The following HEXA variants were observed in gnomAD, a reference collection of about 807,000 sequenced individuals.
HEXA encodes beta-hexosaminidase subunit alpha.
In HEXA, 54 loss-of-function variants were observed where a neutral mutation model predicts 73.3. The ratio of observed to expected loss-of-function variants is 0.74; its 90% CI spans 0.59 to 0.92. The LOEUF (loss-of-function observed/expected upper bound fraction) is 0.92, where lower values mean the gene tolerates loss of function less well. HEXA is among the 40% of genes least tolerant of loss of function. The probability of loss-of-function intolerance (pLI) is 0.00; values close to 1 mark genes in which losing one functional copy is unlikely to be tolerated. For missense variants in HEXA, 649 were observed against 653.0 expected (o/e 0.99, Z 0.07); for synonymous variants, 230 against 246.9 (o/e 0.93, Z 0.64).
chr15:72,352,620 C>T (rs1016093575), intron 5 of HEXA, among the ~76,000 whole-genome samples: 1 of 151,302 alleles, frequency 6.6e-6, no homozygotes, highest in Non-Finnish European at 1.5e-5. Context: ...CTTGGAGCAG[C>T]TCATCTTCTA....
intron 2 of HEXA, 176 bp from the exon 3 acceptor site, chr15:72,355,800 G>C (rs1268264876): frequency 3.1e-6 from 2 of 636,416 alleles, no homozygotes; most frequent in East Asian, 3.0e-5. Context: ...GGATGGCCTG[G>C]TCTGGGGCCA....
chr15:72,361,168 A>T (rs2088848496), intron 1 of HEXA, among the ~76,000 whole-genome samples: 1 of 152,156 alleles, frequency 6.6e-6, no homozygotes, highest in Admixed American at 6.6e-5. Flanking sequence ...AGTGGTCAAA[A>T]CAGACAAAAA....
Position 72,351,215 on chromosome 15 carries a change from T to G in HEXA, c.590A>C (p.Lys197Thr), listed in dbSNP as rs121907973. 3.1e-6 allele frequency: 5 copies of G among 1,608,998 alleles called. No individual in the cohort carries two copies. Among genetic ancestry groups the G allele is most frequent in the Non-Finnish European group, 4.3e-6 (5 of 1,175,328 alleles). ...LDTLDVMAYN[K>T]LNVFHWHLVD... ...CAGATGCCAGTGGAACACGTTCAAT[T>G]TATTGTACGCCATGACATCCTGTAG... The change falls in exon 6 of 14, where the codon AAA becomes ACA. Residue 197 changes from lysine (K) to threonine (T), a missense_variant. By Grantham distance (78) the Lys-to-Thr change is moderately conservative. Coordinates refer to ENST00000268097, the MANE Select transcript of HEXA (RefSeq NM_000520.6).
At position 72,368,649 on chromosome 15, in the gene HEXA, C is replaced by T. The variant is rs571283961; in HGVS notation, c.253+7071G>A. Among the ~76,000 whole-genome samples the T allele has an allele frequency of 3.3e-3, 496 of 152,328 alleles. 1 individual carries two copies. Among genetic ancestry groups the T allele is most frequent in the Middle Eastern group, 0.01 (3 of 294 alleles). ...GGGTCTCCTATGGCAAAGCCACACT[C>T]TAGGAGCAGCTTCCCTGAAGGGTTT... On this transcript the variant is annotated intron_variant, in intron 1 of 13. Transcript: ENST00000268097.
rs1340407384 is a variant in HEXA, at chr15:72,364,726, T to C, written c.254-8109A>G. Among the ~76,000 whole-genome samples the C allele has an allele frequency of 3.3e-5, 5 of 151,994 alleles. No individual in the cohort carries two copies. In the East Asian group the frequency reaches 7.7e-4, roughly 23 times the overall value. The stretch of plus-strand genomic sequence containing the variant: ...TCCACATCTTTCCAACACTAGAACA[T>C]CTCAATTCTTTTTCACCATTGCCAG... On this transcript the variant is annotated intron_variant, in intron 1 of 13. Coordinates refer to ENST00000268097, the MANE Select transcript of HEXA (RefSeq NM_000520.6).
chr15:72,369,312 C>A (rs972534857), intron 1 of HEXA, among the ~76,000 whole-genome samples: 8 of 152,300 alleles, frequency 5.3e-5, no homozygotes, highest in African/African-American at 1.4e-4. Context: ...CAGCTCACAC[C>A]ACAGAAAACT....
intron 1 of HEXA, among the ~76,000 whole-genome samples, chr15:72,372,074 T>C (rs7175232): frequency 0.97 from 147,513 of 152,268 alleles, 71,642 homozygotes; most frequent in East Asian, 1. Context: ...CATGGCCAGG[T>C]GCAGTGGCTC....
chr15:72,362,630 C>T (rs1048657159), intron 1 of HEXA, among the ~76,000 whole-genome samples: 3 of 152,136 alleles, frequency 2.0e-5, no homozygotes, highest in Non-Finnish European at 2.9e-5. Context: ...GCTAAGAAGA[C>T]GCCCAGACTT....
chr15:72,366,718 T>C (rs758896825), intron 1 of HEXA, among the ~76,000 whole-genome samples: 2 of 152,128 alleles, frequency 1.3e-5, no homozygotes, highest in Admixed American at 6.6e-5. Flanking sequence ...TAACCCATGT[T>C]CTGGCTTAGC....
chr15:72,352,928 T>G (rs2088719611), intron 5 of HEXA, 140 bp downstream of exon 5: 2 of 673,978 alleles, frequency 3.0e-6, no homozygotes, highest in Non-Finnish European at 5.5e-6. Flanking sequence ...CCTCCCAAAG[T>G]GTTGGGATTA....
In HEXA at chr15:72,348,107, A is replaced by C. The variant is rs149121118; in HGVS notation, c.1014T>G (p.Phe338Leu). 1 of 1,613,324 alleles carries C rather than the reference A, an allele frequency of 6.2e-7. No individual in the cohort carries two copies. Among genetic ancestry groups the C allele is most frequent in the Non-Finnish European group, 8.5e-7 (1 of 1,179,264 alleles). The change falls in exon 9 of 14, where the codon TTT becomes TTG. Residue 338 changes from phenylalanine to leucine, a missense_variant. Phe to Leu is a conservative substitution (Grantham distance 22). Coordinates refer to ENST00000268097, the MANE Select transcript of HEXA (RefSeq NM_000520.6). ...CWKSNPEIQD[F>L]MRKKGFGEDF... ...CCTCACCGAAGCCTTTCTTCCTCAT[A>C]AAGTCCTGGATCTCTGGGTTGGACT... is the stretch of plus-strand genomic sequence containing the variant.
intron 8 of HEXA, among the ~76,000 whole-genome samples, chr15:72,348,793 T>C (rs1252929441): frequency 6.6e-6 from 1 of 152,226 alleles, no homozygotes; most frequent in African/African-American, 2.4e-5. Context: ...AGGGATTATT[T>C]TTCTCTATCC....
intron 1 of HEXA, among the ~76,000 whole-genome samples, chr15:72,374,480 T>C (rs1482982714): frequency 6.6e-6 from 1 of 152,256 alleles, no homozygotes; most frequent in Non-Finnish European, 1.5e-5. Context: ...ATTAAATGCT[T>C]TTAATTCTAT....
chr15:72,345,388 G>A, intron 13 of HEXA, 58 bp downstream of exon 13: 1 of 1,610,222 alleles, frequency 6.2e-7, no homozygotes, highest in Non-Finnish European at 8.5e-7. Context: ...TCTCTAAGGG[G>A]TTCCCCAGCC....
intron 5 of HEXA, 106 bp from the exon 6 acceptor site, chr15:72,351,340 G>A (rs2088693569): frequency 3.9e-6 from 3 of 765,126 alleles, no homozygotes; most frequent in Non-Finnish European, 7.2e-6. Context: ...ACCCCTACAG[G>A]CTTGACCTGC....
intron 7 of HEXA, 46 bp from the exon 8 acceptor site, chr15:72,349,305 C>T: frequency 6.9e-7 from 1 of 1,450,146 alleles, no homozygotes; most frequent in Non-Finnish European, 9.7e-7. Flanking sequence ...ATACATAAAC[C>T]CCCACGCACA....
intron 8 of HEXA, 100 bp downstream of exon 8, chr15:72,348,979 C>G (rs566691293): frequency 1.1e-6 from 1 of 951,034 alleles, no homozygotes; most frequent in African/African-American, 1.6e-5. Flanking sequence ...CATACAGACC[C>G]CTGAGAGCAG....
Position 72,343,736 on chromosome 15 carries a change from C to G in HEXA, c.*341G>C. 2.9e-6 allele frequency: 1 copy of G among 343,450 alleles called. No individual in the cohort carries two copies. Among genetic ancestry groups the G allele is most frequent in the South Asian group, 2.5e-5 (1 of 40,312 alleles). 21.3% of individuals were successfully genotyped at this position (343,450 alleles called of 1,614,324 possible). ...GGAGTGGGAGGGGAGTGACATAGCT[C>G]ACAGGCAAGGCAGAACAGCACAAAG... On this transcript the variant is annotated 3_prime_UTR_variant, in exon 14 of 14. Transcript: ENST00000268097.
At position 72,375,762 on chromosome 15, in the gene HEXA, G is replaced by C. The variant is rs775000497; in HGVS notation, c.211C>G (p.Leu71Val). 1 of 1,614,230 alleles carries C rather than the reference G, an allele frequency of 6.2e-7. No individual in the cohort carries two copies. Among genetic ancestry groups the C allele is most frequent in the East Asian group, 2.2e-5 (1 of 44,882 alleles). Residue 71 changes from leucine to valine, a missense_variant, in exon 1 of 14, where the codon CTG becomes GTG. Coordinates refer to ENST00000268097, the MANE Select transcript of HEXA (RefSeq NM_000520.6). ...GGCCAAGACCCGGAACCGAAAAGCA[G>C]GTCACGATAGCGCTGGAAGGCCTCG... Reference protein sequence around the residue: ...LDEAFQRYRDLLFGSGSWPRP... With the variant: ...LDEAFQRYRDVLFGSGSWPRP...
Sources: gnomAD v4.1 joint callset for allele counts (sites outside exome capture counted in the v4.1 genomes callset) on GRCh38, gnomAD v4.1.1 for gene constraint, MANE v1.5 for transcripts, NCBI Gene and HGNC (gene_info 2026-07-23, HGNC 2026-07-21) for gene names.